Variants in DGKG observed in about 807,000 individuals in gnomAD.
The protein encoded by DGKG is DAG kinase gamma.
DGKG carries 78 observed loss-of-function variants against 105.3 expected under a neutral mutation model. That is an observed-to-expected ratio of 0.74 (90% CI 0.62 to 0.89). The LOEUF is 0.89. DGKG is among the 40% of genes least tolerant of loss of function. DGKG has a pLI of 0.00. For missense variants in DGKG, 958 were observed against 1,020.1 expected (o/e 0.94, Z 0.83); for synonymous variants, 346 against 367.1 (o/e 0.94, Z 0.66).
At chr3:186,305,047 A>G (rs887386374) in intron 3 of DGKG, among the ~76,000 whole-genome samples, 10 of 152,218 alleles carry the variant, frequency 6.6e-5, no homozygotes, top group Non-Finnish European at 1.0e-4. Flanking sequence ...CAGTCCACAA[A>G]TGTTTATTGA....
At chr3:186,338,788 A>C (rs1295606816) in intron 1 of DGKG, among the ~76,000 whole-genome samples, 1 of 152,158 alleles carries the variant, frequency 6.6e-6, no homozygotes. Flanking sequence ...TTCAAAGTTT[A>C]CGTACATTGG....
At chr3:186,280,265 T>C (rs1463415786) in intron 8 of DGKG, among the ~76,000 whole-genome samples, 1 of 152,116 alleles carries the variant, frequency 6.6e-6, no homozygotes, top group East Asian at 1.9e-4. Flanking sequence ...TTAGAGAAAA[T>C]GAATGTAAAG....
chr3:186,267,699 A>T lies in DGKG; in HGVS notation c.1195T>A (p.Cys399Ser). The change falls in exon 13 of 25, where the codon TGC becomes AGC. Residue 399 changes from cysteine to serine, a missense_variant. This residue lies in a region of DGKG where 643 missense variants were observed against 619.5 expected (regional missense o/e 1.04). Coordinates refer to ENST00000265022, the MANE Select transcript of DGKG (RefSeq NM_001346.3). ...GGAGCACTTACCCGGGTGATGGGGC[A>T]TATGGAGGTGGGCAGTAAGATGTGG... ...RDHILLPTSI[C>S]PITRDRPGEK... The T allele has an allele frequency of 6.2e-7, 1 of 1,614,028 alleles. No homozygotes were observed. Among genetic ancestry groups the T allele is most frequent in the Non-Finnish European group, 8.5e-7 (1 of 1,179,896 alleles).
chr3:186,285,038 C>A lies in DGKG; in HGVS notation c.545-329G>T, dbSNP rs183561408. 3.9e-5 allele frequency among the ~76,000 whole-genome samples: 6 copies of A among 152,284 alleles called. No individual in the cohort carries two copies. The East Asian group carries it at 1.2e-3, about 29-fold the overall frequency. On this transcript the variant is annotated intron_variant, in intron 6 of 24. Transcript: ENST00000265022. ...AGCAAATGCCCAGCTGGGGGTGGGG[C>A]AGAGGCACCAGAATTTTTCTTCTAT...
chr3:186,257,698 C>G, intron 17 of DGKG, 156 bp downstream of exon 17: 4 of 384,046 alleles, frequency 1.0e-5, no homozygotes, highest in African/African-American at 2.4e-5. Context: ...TTTTTTTTTT[C>G]CACCCAAAGC....
rs372707024 is a variant in DGKG, at chr3:186,282,907, CT to C, written c.594+1752del. Among the ~76,000 whole-genome samples the C allele has an allele frequency of 3.3e-3, 485 of 147,330 alleles. 4 individuals are homozygous for C. Among genetic ancestry groups the C allele is most frequent in the Non-Finnish European group, 3.5e-3 (233 of 66,384 alleles). On this transcript the variant is annotated intron_variant, in intron 7 of 24. Transcript: ENST00000265022. The stretch of plus-strand genomic sequence containing the variant: ...CCATTTCTCTGGAGTAAAAGATACA[CT>C]TTTTTTTTTTAATTTTTTTGAGACG...
At chr3:186,358,396 A>G (rs919640172) in intron 1 of DGKG, among the ~76,000 whole-genome samples, 1 of 152,186 alleles carries the variant, frequency 6.6e-6, no homozygotes, top group African/African-American at 2.4e-5. Context: ...GCAACAACAG[A>G]TTATATTCCA....
At chr3:186,244,550 A>G (rs904132578) in intron 19 of DGKG, among the ~76,000 whole-genome samples, 54 of 151,760 alleles carry the variant, frequency 3.6e-4, no homozygotes, top group African/African-American at 1.3e-3. Context: ...GATTACAGGC[A>G]TCCGCCACCA....
chr3:186,254,779 C>T (rs1034552106), intron 17 of DGKG, among the ~76,000 whole-genome samples: 1 of 152,196 alleles, frequency 6.6e-6, no homozygotes, highest in African/African-American at 2.4e-5. Flanking sequence ...GTCACCCACA[C>T]TTTCACCAAG....
chr3:186,177,440 A>G (rs1330925785), intron 22 of DGKG, among the ~76,000 whole-genome samples: 3 of 152,168 alleles, frequency 2.0e-5, no homozygotes, highest in Non-Finnish European at 4.4e-5. Flanking sequence ...ATCACCTACT[A>G]GCTGCATTGC....
intron 2 of DGKG, among the ~76,000 whole-genome samples, chr3:186,316,332 T>C (rs893327586): frequency 6.6e-6 from 1 of 152,240 alleles, no homozygotes; most frequent in Admixed American, 6.5e-5. Context: ...GCATACAAAA[T>C]AGCACAACAT....
intron 16 of DGKG, among the ~76,000 whole-genome samples, chr3:186,259,873 C>T (rs1399116002): frequency 1.3e-5 from 2 of 152,084 alleles, no homozygotes; most frequent in Admixed American, 6.5e-5. Context: ...CCCATGCTAA[C>T]GAGAAGAGAA....
chr3:186,347,244 C>T (rs530734149), intron 1 of DGKG, among the ~76,000 whole-genome samples: 58 of 151,920 alleles, frequency 3.8e-4, no homozygotes, highest in African/African-American at 1.3e-3. Flanking sequence ...GTCAGGAGAT[C>T]GAGACCACTC....
At chr3:186,298,715 T>C (rs1472287809) in intron 3 of DGKG, among the ~76,000 whole-genome samples, 1 of 152,172 alleles carries the variant, frequency 6.6e-6, no homozygotes, top group African/African-American at 2.4e-5. Flanking sequence ...TCTTCTGTGG[T>C]ATCTTGGTTT....
chr3:186,334,038 CT>C (rs1725715913), intron 1 of DGKG, among the ~76,000 whole-genome samples: 1 of 152,160 alleles, frequency 6.6e-6, no homozygotes, highest in Non-Finnish European at 1.5e-5. Context: ...CCTCCCCTCT[CT>C]CTTCTGCCAA....
intron 11 of DGKG, 94 bp from the exon 12 acceptor site, chr3:186,269,011 G>A: frequency 2.5e-6 from 2 of 792,792 alleles, no homozygotes; most frequent in South Asian, 3.1e-5. Context: ...GGGGACGCGG[G>A]GGAGCCAGAG....
rs542572941 is a variant in DGKG, at chr3:186,148,585, TG to T, written c.*1504del. On this transcript the variant is annotated 3_prime_UTR_variant, in exon 25 of 25. Coordinates refer to ENST00000265022, the MANE Select transcript of DGKG (RefSeq NM_001346.3). Reference sequence around the variant, plus strand: ...AGAAATGACCCTACTCTGAGATGTGTGGGTTCTTTTCTCCATTAAATATCTT... The same window carrying T: ...AGAAATGACCCTACTCTGAGATGTGTGGTTCTTTTCTCCATTAAATATCTT... 1.5e-4 allele frequency: 152 copies of T among 985,428 alleles called. 2 individuals carry two copies. In the African/African-American group the frequency reaches 2.6e-3, roughly 17 times the overall value. 61.0% of individuals were successfully genotyped at this position (985,428 alleles called of 1,614,324 possible).
chr3:186,296,538 T>C (rs976641046), intron 5 of DGKG, among the ~76,000 whole-genome samples: 1 of 152,228 alleles, frequency 6.6e-6, no homozygotes, highest in Admixed American at 6.5e-5. Flanking sequence ...TTCCCATTGA[T>C]AAATGTGTCA....
intron 7 of DGKG, among the ~76,000 whole-genome samples, 166 bp from the exon 8 acceptor site, chr3:186,280,910 C>T (rs763763399): frequency 2.6e-5 from 4 of 152,148 alleles, no homozygotes; most frequent in African/African-American, 4.8e-5. Flanking sequence ...ATTTCTGTCT[C>T]GACCACAAAG....
Sources: gnomAD v4.1 joint callset for allele counts (sites outside exome capture counted in the v4.1 genomes callset) on GRCh38, gnomAD v4.1.1 for gene constraint, gnomAD v4.1.1 regional missense constraint, MANE v1.5 for transcripts, NCBI Gene and HGNC (gene_info 2026-07-23, HGNC 2026-07-21) for gene names.